Variants in NEGR1 observed in about 807,000 individuals in gnomAD.
NEGR1 encodes the protein IgLON family member 4.
Under a neutral mutation model 40.9 loss-of-function variants are expected in NEGR1, and 10 were observed. That is an observed-to-expected ratio of 0.24 (90% CI 0.15 to 0.42). The LOEUF (loss-of-function observed/expected upper bound fraction) is 0.42. NEGR1 is among the 10% of genes least tolerant of loss of function. The probability of loss-of-function intolerance (pLI) is 1.00; values close to 1 mark genes in which losing one functional copy is unlikely to be tolerated. For synonymous variants in NEGR1, 185 were observed against 166.8 expected (o/e 1.11, Z -0.84); for missense variants, 352 against 438.9 (o/e 0.80, Z 1.77).
intron 1 of NEGR1, among the ~76,000 whole-genome samples, chr1:72,095,846 T>C (rs974825669): frequency 2.4e-4 from 37 of 152,244 alleles, no homozygotes; most frequent in African/African-American, 8.4e-4. Context: ...TATGATGAAA[T>C]TGGAATGGCT....
intron 1 of NEGR1, among the ~76,000 whole-genome samples, chr1:72,187,405 CT>C (rs146881304): frequency 2.0e-5 from 3 of 151,532 alleles, no homozygotes; most frequent in Non-Finnish European, 4.4e-5. Context: ...AATGTTTAAT[CT>C]CAATTCTTAA....
chr1:72,001,999 TAAATC>T (rs1183525901), intron 1 of NEGR1, among the ~76,000 whole-genome samples: 1 of 152,150 alleles, frequency 6.6e-6, no homozygotes, highest in African/African-American at 2.4e-5. Context: ...GCAGTTTTCT[TAAATC>T]AAATTTTTGC....
chr1:71,970,202 T>G (rs1032512683), intron 1 of NEGR1, among the ~76,000 whole-genome samples: 1 of 151,842 alleles, frequency 6.6e-6, no homozygotes, highest in South Asian at 2.1e-4. Context: ...AGGAGAAAGC[T>G]TGGAGGCCAG....
intron 4 of NEGR1, among the ~76,000 whole-genome samples, chr1:71,693,675 A>T (rs924833685): frequency 6.6e-6 from 1 of 151,650 alleles, no homozygotes; most frequent in Non-Finnish European, 1.5e-5. Flanking sequence ...TGGACCAGTA[A>T]GTTATCTGCT....
At chr1:72,212,607 ATAAAC>A (rs1257735950) in intron 1 of NEGR1, among the ~76,000 whole-genome samples, 1 of 152,058 alleles carries the variant, frequency 6.6e-6, no homozygotes, top group Non-Finnish European at 1.5e-5. Flanking sequence ...TTAATTGTTC[ATAAAC>A]TATTCTGTCT....
chr1:72,261,310 T>C (rs1042092091), intron 1 of NEGR1, among the ~76,000 whole-genome samples: 2 of 152,140 alleles, frequency 1.3e-5, no homozygotes, highest in African/African-American at 4.8e-5. Flanking sequence ...TAATGTATTA[T>C]AAATATTTTC....
Position 71,403,085 on chromosome 1 carries a change from G to A in NEGR1, c.*4361C>T, listed in dbSNP as rs1646256475. On this transcript the variant is annotated 3_prime_UTR_variant, in exon 7 of 7. Transcript: ENST00000357731. The stretch of plus-strand genomic sequence containing the variant: ...CAAGCATGAATCTTTTTTATGCTTT[G>A]TTGTTTTATCTATCACATTGTTCTC... 1 of 151,944 alleles carries A rather than the reference G, an allele frequency of 6.6e-6. No individual in the cohort carries two copies. The highest frequency in any genetic ancestry group is 2.1e-4 in the South Asian group (1 of 4,830). 9.4% of individuals were successfully genotyped at this position (151,944 alleles called of 1,614,324 possible). A position where few individuals can be genotyped will look rare whatever the true frequency, so the allele number is the denominator to read the frequency against.
chr1:71,663,113 T>A (rs985903116), intron 4 of NEGR1, among the ~76,000 whole-genome samples: 1 of 151,972 alleles, frequency 6.6e-6, no homozygotes, highest in Non-Finnish European at 1.5e-5. Flanking sequence ...CCTGCCACCA[T>A]GCCTGGCTAA....
chr1:72,001,592 G>A (rs1297927898), intron 1 of NEGR1, among the ~76,000 whole-genome samples: 2 of 149,976 alleles, frequency 1.3e-5, no homozygotes, highest in Non-Finnish European at 3.0e-5. Flanking sequence ...CATTAACAAT[G>A]GGCACTAAGA....
intron 2 of NEGR1, among the ~76,000 whole-genome samples, chr1:71,822,078 T>C (rs887310945): frequency 6.6e-6 from 1 of 151,966 alleles, no homozygotes; most frequent in Non-Finnish European, 1.5e-5. Context: ...TATAGACTTA[T>C]ACTGTATGCT....
intron 4 of NEGR1, among the ~76,000 whole-genome samples, chr1:71,644,663 C>G (rs1300131156): frequency 6.6e-6 from 1 of 151,882 alleles, no homozygotes; most frequent in Non-Finnish European, 1.5e-5. Flanking sequence ...GCTTCAATTT[C>G]TGTGTATTTC....
At chr1:71,479,265 C>T (rs376060975) in intron 6 of NEGR1, among the ~76,000 whole-genome samples, 11 of 151,960 alleles carry the variant, frequency 7.2e-5, no homozygotes, top group African/African-American at 2.7e-4. Flanking sequence ...GCTTTTTTGG[C>T]GGCCTGGATT....
intron 1 of NEGR1, among the ~76,000 whole-genome samples, chr1:72,117,419 A>G (rs189007319): frequency 2.6e-5 from 4 of 151,980 alleles, no homozygotes; most frequent in Admixed American, 2.6e-4. Context: ...CTGTTTGAGA[A>G]TACAGCTATA....
chr1:71,949,224 G>T (rs867409825), intron 1 of NEGR1, among the ~76,000 whole-genome samples: 1 of 152,128 alleles, frequency 6.6e-6, no homozygotes, highest in Non-Finnish European at 1.5e-5. Flanking sequence ...TGTCTCATGT[G>T]ATAAGATCTA....
chr1:71,426,019 G>C (rs1196597556), intron 6 of NEGR1, among the ~76,000 whole-genome samples: 1 of 152,114 alleles, frequency 6.6e-6, no homozygotes, highest in African/African-American at 2.4e-5. Context: ...ATTATTTACA[G>C]CAGTTAGTGA....
At chr1:71,579,890 G>T (rs1649080457) in intron 6 of NEGR1, among the ~76,000 whole-genome samples, 1 of 152,098 alleles carries the variant, frequency 6.6e-6, no homozygotes, top group Non-Finnish European at 1.5e-5. Flanking sequence ...AAAAATGAAT[G>T]ATATTGCTTA....
At chr1:72,274,844 AC>A in intron 1 of NEGR1, 1 of 1,565,730 alleles carries the variant, frequency 6.4e-7, no homozygotes, top group Non-Finnish European at 8.8e-7. Flanking sequence ...ATCCTCAGCC[AC>A]CCCATCAAGA....
In NEGR1 at chr1:71,399,907, C is replaced by T. The variant is rs1484593540; in HGVS notation, c.*7539G>A. 1 of 152,174 alleles carries T rather than the reference C, an allele frequency of 6.6e-6. No individual in the cohort carries two copies. The highest frequency in any genetic ancestry group is 1.5e-5 in the Non-Finnish European group (1 of 68,040). 9.4% of individuals were successfully genotyped at this position (152,174 alleles called of 1,614,324 possible). A position where few individuals can be genotyped will look rare whatever the true frequency, so the allele number is the denominator to read the frequency against. On this transcript the variant is annotated 3_prime_UTR_variant, in exon 7 of 7. Coordinates refer to ENST00000357731, the MANE Select transcript of NEGR1 (RefSeq NM_173808.3). ...AGAGAATTTTGTTCCTTAGCTTTAG[C>T]ATATTATAGTCTTCAACGAATATTT...
intron 1 of NEGR1, among the ~76,000 whole-genome samples, chr1:72,054,499 T>C (rs1021900524): frequency 6.6e-6 from 1 of 151,386 alleles, no homozygotes; most frequent in Non-Finnish European, 1.5e-5. Flanking sequence ...AAATAAATTT[T>C]ATTTTAAAAT....
Sources: gnomAD v4.1 joint callset for allele counts (sites outside exome capture counted in the v4.1 genomes callset) on GRCh38, gnomAD v4.1.1 for gene constraint, MANE v1.5 for transcripts, NCBI Gene and HGNC (gene_info 2026-07-23, HGNC 2026-07-21) for gene names.